The following SDCCAG8 variants were observed in gnomAD, a reference collection of about 807,000 sequenced individuals.
SDCCAG8 encodes SHH signaling and ciliogenesis regulator SDCCAG8.
In SDCCAG8, 74 loss-of-function variants were observed where a neutral mutation model predicts 101.8. That is an observed-to-expected ratio of 0.73 (90% CI 0.60 to 0.88). The LOEUF (loss-of-function observed/expected upper bound fraction) is 0.88. SDCCAG8 is among the 40% of genes least tolerant of loss of function. SDCCAG8 has a pLI of 0.00. For missense variants in SDCCAG8, 787 were observed against 822.6 expected (o/e 0.96, Z 0.53); for synonymous variants, 281 against 292.9 (o/e 0.96, Z 0.41).
intron 1 of SDCCAG8, among the ~76,000 whole-genome samples, chr1:243,265,885 GC>G (rs535297805): frequency 2.0e-5 from 3 of 150,454 alleles, no homozygotes; most frequent in African/African-American, 7.3e-5. Flanking sequence ...TTTTAACTAT[GC>G]AAATTCTTTC....
At chr1:243,366,455 CTA>C (rs1402207068) in intron 12 of SDCCAG8, among the ~76,000 whole-genome samples, 2 of 151,810 alleles carry the variant, frequency 1.3e-5, no homozygotes, top group African/African-American at 4.8e-5. Context: ...TGCAATTACT[CTA>C]TTGAGTAATT....
At chr1:243,430,369 G>T (rs2081644473) in intron 16 of SDCCAG8, among the ~76,000 whole-genome samples, 1 of 152,174 alleles carries the variant, frequency 6.6e-6, no homozygotes, top group Admixed American at 6.5e-5. Context: ...AGAAAGTGTG[G>T]CATACAATGA....
intron 13 of SDCCAG8, among the ~76,000 whole-genome samples, chr1:243,411,099 A>G (rs112847151): frequency 6.6e-6 from 1 of 151,958 alleles, no homozygotes; most frequent in African/African-American, 2.4e-5. Flanking sequence ...TCCTCCTTTA[A>G]TTTATTTATT....
At chr1:243,350,369 CA>C (rs1257239245) in intron 12 of SDCCAG8, among the ~76,000 whole-genome samples, 1 of 152,020 alleles carries the variant, frequency 6.6e-6, no homozygotes, top group East Asian at 1.9e-4. Flanking sequence ...CCACCACCCC[CA>C]GCTATTTTGT....
At position 243,270,032 on chromosome 1, in the gene SDCCAG8, GCC is replaced by G. The variant is rs1217221064; in HGVS notation, c.68-72_68-71del. 8 of 1,606,132 alleles carry G rather than the reference GCC, an allele frequency of 5.0e-6. No individual in the cohort carries two copies. The East Asian group carries it at 1.6e-4, about 31-fold the overall frequency. ...AATAATGATTTCACCTTTAAAAACT[GCC>G]TTCCTGAGTAAGTGTCCGTTTGGTC... is the stretch of plus-strand genomic sequence containing the variant. On this transcript the variant is annotated intron_variant, in intron 1 of 17. Transcript: ENST00000366541.
intron 5 of SDCCAG8, among the ~76,000 whole-genome samples, chr1:243,292,618 G>A (rs1045091413): frequency 1.3e-5 from 2 of 152,100 alleles, no homozygotes; most frequent in Non-Finnish European, 2.9e-5. Context: ...GTATAAAATG[G>A]AGGCAACAAT....
At position 243,344,332 on chromosome 1, in the gene SDCCAG8, G is replaced by A; in HGVS notation, c.1473+1G>A. The A allele has an allele frequency of 6.3e-7, 1 of 1,585,090 alleles. No homozygotes were observed. The highest frequency in any genetic ancestry group is 8.7e-7 in the Non-Finnish European group (1 of 1,153,616). On this transcript the variant is annotated splice_donor_variant, in intron 12 of 17. Coordinates refer to ENST00000366541, the MANE Select transcript of SDCCAG8 (RefSeq NM_006642.5). LOFTEE classifies it high-confidence loss of function. ...CAGGGATCTTGAAATTAAAGATCAG[G>A]TAAGAGAGGACACAGCATAATTGCA...
intron 5 of SDCCAG8, among the ~76,000 whole-genome samples, chr1:243,290,155 G>A (rs1384423808): frequency 6.6e-6 from 1 of 151,596 alleles, no homozygotes; most frequent in Non-Finnish European, 1.5e-5. Context: ...AAAATTTCTC[G>A]GCCAATATTT....
chr1:243,272,458 C>T (rs2068170507), intron 3 of SDCCAG8, among the ~76,000 whole-genome samples: 1 of 152,146 alleles, frequency 6.6e-6, no homozygotes, highest in Non-Finnish European at 1.5e-5. Context: ...AACATCTCAT[C>T]ATTTAATGAA....
Position 243,293,237 on chromosome 1 carries a change from T to G in SDCCAG8, c.675+18T>G. 1 of 1,613,190 alleles carries G rather than the reference T, an allele frequency of 6.2e-7. No individual in the cohort carries two copies. Among genetic ancestry groups the G allele is most frequent in the South Asian group, 1.1e-5 (1 of 90,912 alleles). ...TAGAACTGGTGAGTATTTGGGTGCT[T>G]TTCTCTTATACATCTTTTTTTTCTT... On this transcript the variant is annotated intron_variant, in intron 6 of 17. Transcript: ENST00000366541.
intron 10 of SDCCAG8, among the ~76,000 whole-genome samples, chr1:243,336,582 A>G (rs916132055): frequency 2.6e-5 from 4 of 152,122 alleles, no homozygotes; most frequent in Admixed American, 2.6e-4. Context: ...GGGAAGCGCT[A>G]CACACTTTTA....
At chr1:243,293,895 C>A (rs1474607294) in intron 6 of SDCCAG8, among the ~76,000 whole-genome samples, 1 of 152,124 alleles carries the variant, frequency 6.6e-6, no homozygotes, top group East Asian at 1.9e-4. Context: ...TAAAGTTCAT[C>A]AATTCGTTTT....
chr1:243,402,076 G>A (rs529579847), intron 13 of SDCCAG8, among the ~76,000 whole-genome samples: 1 of 152,058 alleles, frequency 6.6e-6, no homozygotes, highest in Non-Finnish European at 1.5e-5. Flanking sequence ...AATACAGAGG[G>A]AGCCACAAAA....
At chr1:243,276,053 G>A (rs1015617932) in intron 4 of SDCCAG8, among the ~76,000 whole-genome samples, 10 of 151,688 alleles carry the variant, frequency 6.6e-5, no homozygotes, top group African/African-American at 2.2e-4. Context: ...TTGTAGAGAC[G>A]GGGTTTCACC....
chr1:243,454,795 T>C (rs2083616596), intron 16 of SDCCAG8, among the ~76,000 whole-genome samples: 1 of 152,136 alleles, frequency 6.6e-6, no homozygotes, highest in South Asian at 2.1e-4. Context: ...GAGTGGACCG[T>C]TCACCTGGTC....
chr1:243,307,455 T>A (rs570821131), intron 7 of SDCCAG8: 1 of 983,134 alleles, frequency 1.0e-6, no homozygotes, highest in African/African-American at 1.7e-5. Context: ...AACAGTAATG[T>A]TTTCCTCCTG....
At chr1:243,498,802 A>G (rs1353109413) in intron 17 of SDCCAG8, among the ~76,000 whole-genome samples, 13 of 152,226 alleles carry the variant, frequency 8.5e-5, no homozygotes, top group Admixed American at 8.5e-4. Context: ...GGAGAGGGGC[A>G]GGCCCACTTC....
At chr1:243,270,293 A>G (rs747268675) in intron 2 of SDCCAG8, 36 bp downstream of exon 2, 1 of 1,595,240 alleles carries the variant, frequency 6.3e-7, no homozygotes, top group Non-Finnish European at 8.6e-7. Flanking sequence ...TGAATGATGC[A>G]TAGTGAATTT....
chr1:243,387,040 G>C (rs2078349073), intron 13 of SDCCAG8, among the ~76,000 whole-genome samples: 1 of 152,174 alleles, frequency 6.6e-6, no homozygotes, highest in Non-Finnish European at 1.5e-5. Context: ...CCAAATATCT[G>C]TAAAGAGCTA....
Sources: allele counts gnomAD v4.1 joint callset (sites outside exome capture counted in the v4.1 genomes callset), GRCh38; gene constraint gnomAD v4.1.1; transcripts MANE v1.5; gene names NCBI Gene and HGNC (gene_info 2026-07-23, HGNC 2026-07-21).